Variants in RTN3 observed in about 807,000 individuals in gnomAD.
RTN3 encodes the protein reticulon-3.
A neutral mutation model predicts 77.8 loss-of-function variants in RTN3; 49 were observed. That is an observed-to-expected ratio of 0.63 (90% CI 0.50 to 0.80). The LOEUF is 0.80. Among genes scored for constraint, RTN3 ranks in the 30% least tolerant of loss-of-function variants. The probability of loss-of-function intolerance (pLI) is 0.00; values close to 1 mark genes in which losing one functional copy is unlikely to be tolerated. For synonymous variants in RTN3, 464 were observed against 446.9 expected, an observed-to-expected ratio of 1.04 and a Z score of -0.48; for missense variants, 1,236 against 1,211.9, an observed-to-expected ratio of 1.02 and a Z score of -0.29.
intron 1 of RTN3, among the ~76,000 whole-genome samples, chr11:63,693,277 A>G (rs1407321418): frequency 6.6e-6 from 1 of 152,152 alleles, no homozygotes; most frequent in Non-Finnish European, 1.5e-5. Context: ...TGAGGTCAGG[A>G]GTTCGAGACC....
At chr11:63,705,734 G>A (rs1942464116) in intron 2 of RTN3, among the ~76,000 whole-genome samples, 1 of 152,226 alleles carries the variant, frequency 6.6e-6, no homozygotes, top group African/African-American at 2.4e-5. Context: ...AGTCAGTTAT[G>A]TGACTTTTGG....
At chr11:63,756,302 C>T (rs369405482) in intron 8 of RTN3, 132 bp downstream of exon 8, 29 of 617,098 alleles carry the variant, frequency 4.7e-5, no homozygotes, top group African/African-American at 3.6e-4. Context: ...TTAATAGTTT[C>T]ATTTTACTAA....
At chr11:63,694,576 C>A (rs536194364) in intron 1 of RTN3, among the ~76,000 whole-genome samples, 1 of 152,032 alleles carries the variant, frequency 6.6e-6, no homozygotes, top group Non-Finnish European at 1.5e-5. Flanking sequence ...GGGCTCAAGC[C>A]GTCCTCCCAC....
chr11:63,727,645 C>G (rs1161885789), intron 3 of RTN3, among the ~76,000 whole-genome samples: 1 of 152,048 alleles, frequency 6.6e-6, no homozygotes, highest in East Asian at 1.9e-4. Flanking sequence ...GTCACCAGAG[C>G]TTCAGAACCC....
In RTN3 at chr11:63,736,695, A is replaced by T. The variant is rs113692932; in HGVS notation, c.2531-13296A>T. Among the ~76,000 whole-genome samples the T allele has an allele frequency of 2.6e-3, 394 of 152,310 alleles. 4 individuals carry two copies. Among genetic ancestry groups the T allele is most frequent in the African/African-American group, 8.0e-3 (333 of 41,574 alleles). ...AGAGACTCCGTCTCAAAAAAATTTT[A>T]AAAAATAAGTATCCAAATGGATATG... is the stretch of plus-strand genomic sequence containing the variant. On this transcript the variant is annotated intron_variant, in intron 3 of 8. Coordinates refer to ENST00000377819, the MANE Select transcript of RTN3 (RefSeq NM_001265589.2).
At chr11:63,733,823 C>T (rs547661803) in intron 3 of RTN3, among the ~76,000 whole-genome samples, 25 of 149,542 alleles carry the variant, frequency 1.7e-4, no homozygotes, top group African/African-American at 5.7e-4. Context: ...CCCAGGAAGT[C>T]GAGGCTGGAG....
chr11:63,751,222 C>T (rs1195530503), intron 4 of RTN3, among the ~76,000 whole-genome samples: 5 of 152,270 alleles, frequency 3.3e-5, no homozygotes, highest in South Asian at 2.1e-4. Flanking sequence ...GAGCAGCGCT[C>T]GGTTAGATGG....
chr11:63,695,705 G>A (rs1385641131), intron 1 of RTN3, among the ~76,000 whole-genome samples: 1 of 152,188 alleles, frequency 6.6e-6, no homozygotes, highest in Admixed American at 6.5e-5. Context: ...AATTCAAATT[G>A]AGGGACATTC....
intron 1 of RTN3, among the ~76,000 whole-genome samples, chr11:63,683,633 G>C (rs1941182806): frequency 6.6e-6 from 1 of 152,170 alleles, no homozygotes. Flanking sequence ...TTTGTTCACA[G>C]ACACACAGGC....
chr11:63,692,293 G>T (rs1439320751), intron 1 of RTN3, among the ~76,000 whole-genome samples: 2 of 152,072 alleles, frequency 1.3e-5, no homozygotes, highest in African/African-American at 2.4e-5. Flanking sequence ...AAAGTGCTGG[G>T]ATTACAGGCA....
intron 3 of RTN3, among the ~76,000 whole-genome samples, chr11:63,741,652 C>G (rs1294901132): frequency 6.6e-6 from 1 of 151,824 alleles, no homozygotes; most frequent in African/African-American, 2.4e-5. Context: ...AGGTATGTAC[C>G]ACCATGCCCA....
At chr11:63,731,772 C>T (rs893858628) in intron 3 of RTN3, among the ~76,000 whole-genome samples, 1 of 152,202 alleles carries the variant, frequency 6.6e-6, no homozygotes, top group African/African-American at 2.4e-5. Context: ...CCTGCCTCAG[C>T]CTCCTGAGTA....
In RTN3 at chr11:63,704,725, A is replaced by G. The variant is rs1165888092; in HGVS notation, c.143-126A>G. ...AACAATAATTGGAAATAAAGATTTG[A>G]GTTTTCCTCCTTGTTAAACCCAATG... On this transcript the variant is annotated intron_variant, in intron 1 of 8. Coordinates refer to ENST00000377819, the MANE Select transcript of RTN3 (RefSeq NM_001265589.2). 7 of 605,224 alleles carry G rather than the reference A, an allele frequency of 1.2e-5. No homozygotes were observed. In the Middle Eastern group the frequency reaches 1.3e-3, roughly 116 times the overall value. 37.5% of individuals were successfully genotyped at this position (605,224 alleles called of 1,614,324 possible).
intron 2 of RTN3, among the ~76,000 whole-genome samples, chr11:63,713,674 A>G (rs1462155180): frequency 6.6e-6 from 1 of 152,200 alleles, no homozygotes; most frequent in Non-Finnish European, 1.5e-5. Flanking sequence ...GAGTAGCACC[A>G]TGTTTTTAAG....
At chr11:63,707,655 A>G (rs947367715) in intron 2 of RTN3, among the ~76,000 whole-genome samples, 6 of 152,062 alleles carry the variant, frequency 3.9e-5, no homozygotes, top group African/African-American at 1.4e-4. Context: ...CCAACATGGC[A>G]AAATCCCGTC....
intron 1 of RTN3, among the ~76,000 whole-genome samples, chr11:63,694,502 T>C (rs1017855450): frequency 3.8e-4 from 58 of 152,054 alleles, no homozygotes; most frequent in African/African-American, 1.3e-3. Flanking sequence ...AGACAAGGCA[T>C]GGCTCTGTCA....
intron 3 of RTN3, among the ~76,000 whole-genome samples, chr11:63,737,500 T>A (rs2013207895): frequency 1.3e-5 from 2 of 152,022 alleles, no homozygotes; most frequent in Middle Eastern, 3.4e-3. Flanking sequence ...GCCCCAGCTG[T>A]TAAGGAGACT....
chr11:63,759,483 G>T lies in RTN3; in HGVS notation c.*1282G>T, dbSNP rs2014558249. 1 of 152,636 alleles carries T rather than the reference G, an allele frequency of 6.6e-6. No homozygotes were observed. Among genetic ancestry groups the T allele is most frequent in the Non-Finnish European group, 1.5e-5 (1 of 68,046 alleles). The allele number at this position is 152,636 out of a possible 1,614,324, so 9.5% of individuals were successfully genotyped here. ...AGTTAGGAATTTGGATGGGTAAAAG[G>T]TACCCTTGCCTTACTCCATCTTATT... On this transcript the variant is annotated 3_prime_UTR_variant, in exon 9 of 9. Coordinates refer to ENST00000377819, the MANE Select transcript of RTN3 (RefSeq NM_001265589.2).
chr11:63,744,820 T>C (rs916067226), intron 3 of RTN3, among the ~76,000 whole-genome samples: 45 of 152,120 alleles, frequency 3.0e-4, no homozygotes, highest in African/African-American at 1.1e-3. Context: ...GACAAAACCC[T>C]GCCTCTACAA....
Sources: allele counts gnomAD v4.1 joint callset (sites outside exome capture counted in the v4.1 genomes callset), GRCh38; gene constraint gnomAD v4.1.1; transcripts MANE v1.5; gene names NCBI Gene and HGNC (gene_info 2026-07-23, HGNC 2026-07-21).